Variants in GCNT3 observed in about 807,000 individuals in gnomAD.
GCNT3 encodes the protein glucosaminyl (N-acetyl) transferase 3, mucin type.
For missense variants in GCNT3, 708 were observed against 530.3 expected (o/e 1.34, Z -3.29); for synonymous variants, 269 against 195.2 (o/e 1.38, Z -3.15).
In GCNT3 at chr15:59,614,996, G is replaced by A. The variant is rs983833114; in HGVS notation, c.-250-1696G>A. On this transcript the variant is annotated intron_variant, in intron 1 of 2. Transcript: ENST00000396065. ...AGGTGTGTGCATGTAAACAATTTGT[G>A]CACCAAGAAGGCAACTCTGACTCAT... The A allele has an allele frequency of 2.6e-5, 4 of 152,276 alleles. No homozygotes were observed. The East Asian group carries it at 7.7e-4, about 29-fold the overall frequency. The allele number at this position is 152,276 out of a possible 1,614,324, so 9.4% of individuals were successfully genotyped here. A position where few individuals can be genotyped will look rare whatever the true frequency, so the allele number is the denominator to read the frequency against.
Position 59,618,403 on chromosome 15 carries a change from C to T in GCNT3, c.165C>T (p.Ile55=), listed in dbSNP as rs753245784. The change falls in exon 3 of 3, where the codon ATC becomes ATT. Residue 55 remains isoleucine, a synonymous_variant. Transcript: ENST00000396065. ...RESQSQYCRN[I]LYNFLKLPAK... is the part of the protein sequence containing the mutation. ...CTCAAAGCCAGTACTGTAGGAATAT[C>T]TTGTATAATTTCCTGAAACTTCCAG... 6.2e-7 allele frequency: 1 copy of T among 1,614,100 alleles called. No homozygotes were observed. The highest frequency in any genetic ancestry group is 1.1e-5 in the South Asian group (1 of 91,074).
intron 2 of GCNT3, among the ~76,000 whole-genome samples, chr15:59,617,280 A>G (rs2082724383): frequency 6.8e-6 from 1 of 146,914 alleles, no homozygotes; most frequent in Non-Finnish European, 1.5e-5. Flanking sequence ...CCTGTATTGT[A>G]TTTCAAAGGT....
rs1430151727 is a variant in GCNT3 at position 59,621,927 on chromosome 15, A to T, written c.*2372A>T. 7 of 151,556 alleles carry T rather than the reference A, an allele frequency of 4.6e-5. No individual in the cohort carries two copies. The highest frequency in any genetic ancestry group is 7.4e-5 in the Non-Finnish European group (5 of 67,902). The allele number at this position is 151,556 out of a possible 1,614,324, so 9.4% of individuals were successfully genotyped here. A position where few individuals can be genotyped will look rare whatever the true frequency, so the allele number is the denominator to read the frequency against. ...TCTGAGTGTTGTCATTCAATTCATC[A>T]AGTTTTCTGTCATGATCAACTTTCT... On this transcript the variant is annotated 3_prime_UTR_variant, in exon 3 of 3. Coordinates refer to ENST00000396065, the MANE Select transcript of GCNT3 (RefSeq NM_004751.3).
chr15:59,612,175 TTC>T (rs1346869842), intron 1 of GCNT3, among the ~76,000 whole-genome samples, 194 bp downstream of exon 1: 1 of 152,192 alleles, frequency 6.6e-6, no homozygotes, highest in Non-Finnish European at 1.5e-5. Flanking sequence ...CTAGCTTAGT[TTC>T]TCTGTTTCCC....
Position 59,618,301 on chromosome 15 carries a change from G to C in GCNT3, c.63G>C (p.Leu21=). Residue 21 remains leucine, a synonymous_variant, in exon 3 of 3, where the codon CTG becomes CTC. Coordinates refer to ENST00000396065, the MANE Select transcript of GCNT3 (RefSeq NM_004751.3). Reference sequence around the variant, plus strand: ...TGTGGGCTCTGGGCTGCTATATGCTGCTGGCCACTGTGGCTCTGAAACTTT... The same window carrying C: ...TGTGGGCTCTGGGCTGCTATATGCTCCTGGCCACTGTGGCTCTGAAACTTT... ...HYLWALGCYM[L]LATVALKLSF... The C allele has an allele frequency of 2.5e-6, 4 of 1,612,720 alleles. No homozygotes were observed. Among genetic ancestry groups the C allele is most frequent in the Non-Finnish European group, 3.4e-6 (4 of 1,179,574 alleles).
At position 59,611,827 on chromosome 15, in the gene GCNT3, A is replaced by G. The variant is rs1196223081; in HGVS notation, c.-405A>G. On this transcript the variant is annotated 5_prime_UTR_variant, in exon 1 of 3. Transcript: ENST00000396065. ...CTAAGTCACGGGAACTGCCCTTGCT[A>G]CTTGTGACCTGCCCTTTACTCAGCA... 1 of 152,066 alleles carries G rather than the reference A, an allele frequency of 6.6e-6. No individual in the cohort carries two copies. Among genetic ancestry groups the G allele is most frequent in the African/African-American group, 2.4e-5 (1 of 41,386 alleles). 9.4% of individuals were successfully genotyped at this position (152,066 alleles called of 1,614,324 possible).
Position 59,618,421 on chromosome 15 carries a change from AC to A in GCNT3, c.184del (p.Leu62PhefsTer25), listed in dbSNP as rs779109387. 4.3e-6 allele frequency: 7 copies of A among 1,613,978 alleles called. No homozygotes were observed. Among genetic ancestry groups the A allele is most frequent in the Non-Finnish European group, 5.9e-6 (7 of 1,179,988 alleles). ...CRNILYNFLK[L>X]PAKRSINCSG... ...GGAATATCTTGTATAATTTCCTGAA[AC>A]TTCCAGCAAAGAGGTCTATCAACTG... On this transcript the variant is annotated frameshift_variant, in exon 3 of 3. Transcript: ENST00000396065. LOFTEE classifies it low-confidence loss of function (END_TRUNC).
intron 1 of GCNT3, among the ~76,000 whole-genome samples, chr15:59,614,319 G>C (rs1348645519): frequency 6.6e-6 from 1 of 152,176 alleles, no homozygotes. Flanking sequence ...CCTGTTACCA[G>C]AAAGGGGTCC....
At chr15:59,612,699 A>C (rs2082701709) in intron 1 of GCNT3, among the ~76,000 whole-genome samples, 1 of 152,132 alleles carries the variant, frequency 6.6e-6, no homozygotes, top group Admixed American at 6.6e-5. Context: ...AATTAAGGTG[A>C]GGAAGCTGCT....
chr15:59,616,500 ACTGGG>A (rs2082720325), intron 1 of GCNT3, 187 bp from the exon 2 acceptor site: 2 of 152,190 alleles, frequency 1.3e-5, no homozygotes, highest in Non-Finnish European at 2.9e-5. Flanking sequence ...ACAGGTACAA[ACTGGG>A]CTGTTCTGGC....
In GCNT3 at chr15:59,620,914, C is replaced by T. The variant is rs1890915828; in HGVS notation, c.*1359C>T. 9.8e-6 allele frequency: 1 copy of T among 101,824 alleles called. No homozygotes were observed. The highest frequency in any genetic ancestry group is 1.8e-5 in the Non-Finnish European group (1 of 55,660). 6.3% of individuals were successfully genotyped at this position (101,824 alleles called of 1,614,324 possible). A position where few individuals can be genotyped will look rare whatever the true frequency, so the allele number is the denominator to read the frequency against. On this transcript the variant is annotated 3_prime_UTR_variant, in exon 3 of 3. Transcript: ENST00000396065. ...TTTTTTTTTTTTGGAGACAGGTTCTCACTCTGTTGCCCAGGCTGGAGTGCA... is the reference window on the plus strand; with the variant it reads ...TTTTTTTTTTTTGGAGACAGGTTCTTACTCTGTTGCCCAGGCTGGAGTGCA...
rs201121374 is a variant in GCNT3 at position 59,619,556 on chromosome 15, G to A, written c.*1G>A. ...GGCCATCTATGGGACTGAACTTTGA[G>A]ACACACTATGAGAGCGTTGCTACCT... On this transcript the variant is annotated 3_prime_UTR_variant, in exon 3 of 3. Transcript: ENST00000396065. 1.9e-5 allele frequency: 29 copies of A among 1,544,708 alleles called. 1 individual carries two copies. The highest frequency in any genetic ancestry group is 1.7e-4 in the Middle Eastern group (1 of 5,868).
rs968498724 is a variant in GCNT3 at position 59,621,985 on chromosome 15, C to T, written c.*2430C>T. 6.6e-6 allele frequency: 1 copy of T among 151,942 alleles called. No homozygotes were observed. Among genetic ancestry groups the T allele is most frequent in the African/African-American group, 2.4e-5 (1 of 41,358 alleles). The allele number at this position is 151,942 out of a possible 1,614,324, so 9.4% of individuals were successfully genotyped here. On this transcript the variant is annotated 3_prime_UTR_variant, in exon 3 of 3. Coordinates refer to ENST00000396065, the MANE Select transcript of GCNT3 (RefSeq NM_004751.3). ...AACCCTGTAACTCTGACAGTTATCA[C>T]TGTGTCTGACACAGTGAATTTTTTA... is the stretch of plus-strand genomic sequence containing the variant.
In GCNT3 at chr15:59,618,917, T is replaced by A. The variant is rs989440515; in HGVS notation, c.679T>A (p.Cys227Ser). 6.2e-7 allele frequency: 1 copy of A among 1,614,156 alleles called. No homozygotes were observed. Among genetic ancestry groups the A allele is most frequent in the East Asian group, 2.2e-5 (1 of 44,878 alleles). The change falls in exon 3 of 3, where the codon TGT becomes AGT. Residue 227 changes from cysteine (C) to serine (S), a missense_variant. Coordinates refer to ENST00000396065, the MANE Select transcript of GCNT3 (RefSeq NM_004751.3). ...SVPWKYFLNT[C>S]GTDFPIKSNA... Reference sequence around the variant, plus strand: ...GCCGTGGAAATACTTCCTGAATACATGTGGGACGGACTTTCCTATAAAGAG... The same window carrying A: ...GCCGTGGAAATACTTCCTGAATACAAGTGGGACGGACTTTCCTATAAAGAG...
chr15:59,620,546 T>C lies in GCNT3; in HGVS notation c.*991T>C, dbSNP rs1210499396. 6.0e-6 allele frequency: 1 copy of C among 167,028 alleles called. No individual in the cohort carries two copies. The highest frequency in any genetic ancestry group is 1.5e-5 in the Non-Finnish European group (1 of 68,118). 10.3% of individuals were successfully genotyped at this position (167,028 alleles called of 1,614,324 possible). A position where few individuals can be genotyped will look rare whatever the true frequency, so the allele number is the denominator to read the frequency against. Reference sequence around the variant, plus strand: ...AAAAGCCATCCTCATTTTGTTTATATTGCCAGGTTTGTGATTTTTCTGTAA... The same window carrying C: ...AAAAGCCATCCTCATTTTGTTTATACTGCCAGGTTTGTGATTTTTCTGTAA... On this transcript the variant is annotated 3_prime_UTR_variant, in exon 3 of 3. Coordinates refer to ENST00000396065, the MANE Select transcript of GCNT3 (RefSeq NM_004751.3).
In GCNT3 at chr15:59,618,574, C is replaced by T. The variant is rs764421147; in HGVS notation, c.336C>T (p.His112=). Residue 112 remains histidine (H), a synonymous_variant, in exon 3 of 3, where the codon CAC becomes CAT. Coordinates refer to ENST00000396065, the MANE Select transcript of GCNT3 (RefSeq NM_004751.3). ...TCTCCCTCACCAGAGACTGTGAGCA[C>T]TTCAAGGCTGAAAGGAAGTTCATAC... The part of the protein sequence containing the change: ...HYLSLTRDCE[H]FKAERKFIQF... The T allele has an allele frequency of 1.9e-6, 3 of 1,613,982 alleles. No homozygotes were observed. The highest frequency in any genetic ancestry group is 2.5e-6 in the Non-Finnish European group (3 of 1,179,970).
Position 59,619,127 on chromosome 15 carries a change from G to A in GCNT3, c.889G>A (p.Ala297Thr). 3 of 1,614,128 alleles carry A rather than the reference G, an allele frequency of 1.9e-6. No individual in the cohort carries two copies. The highest frequency in any genetic ancestry group is 2.5e-6 in the Non-Finnish European group (3 of 1,180,002). The change falls in exon 3 of 3, where the codon GCG (alanine) becomes ACG (threonine). Residue 297 changes from alanine to threonine, a missense_variant. Coordinates refer to ENST00000396065, the MANE Select transcript of GCNT3 (RefSeq NM_004751.3). ...TAATTTAACTATGTTTACAGGGAAT[G>A]CGTACATTGTGGCTTCCCGAGATTT... is the stretch of plus-strand genomic sequence containing the variant. ...PYNLTMFTGNAYIVASRDFVQ... is the reference protein window; with the variant it reads ...PYNLTMFTGNTYIVASRDFVQ...
intron 1 of GCNT3, among the ~76,000 whole-genome samples, chr15:59,614,332 A>C (rs2082710076): frequency 1.3e-5 from 2 of 152,182 alleles, no homozygotes; most frequent in Admixed American, 6.5e-5. Context: ...AGGGGTCCCG[A>C]TCCAGACCCC....
intron 1 of GCNT3, among the ~76,000 whole-genome samples, chr15:59,615,747 G>T (rs548288161): frequency 1.3e-5 from 2 of 151,450 alleles, no homozygotes; most frequent in Non-Finnish European, 2.9e-5. Flanking sequence ...AATTATCTCC[G>T]CATGGTGGTG....
Sources: gnomAD v4.1 joint callset for allele counts (sites outside exome capture counted in the v4.1 genomes callset) on GRCh38, gnomAD v4.1.1 for gene constraint, MANE v1.5 for transcripts, NCBI Gene and HGNC (gene_info 2026-07-23, HGNC 2026-07-21) for gene names.